Variants in ITGA11 observed in about 807,000 individuals in gnomAD.
The protein encoded by ITGA11 is integrin alpha-11.
In ITGA11, 97 loss-of-function variants were observed where a neutral mutation model predicts 141.9. The ratio of observed to expected loss-of-function variants is 0.68; its 90% confidence interval spans 0.58 to 0.81. ITGA11 has a LOEUF of 0.81. Ranked by LOEUF, ITGA11 falls within the 30% of genes least tolerant of loss-of-function variation. The pLI, the probability that ITGA11 is intolerant of heterozygous loss-of-function variation, is 0.00. For missense variants in ITGA11, 1,387 were observed against 1,559.2 expected (o/e 0.89, Z 1.86); for synonymous variants, 658 against 624.6 (o/e 1.05, Z -0.80).
At chr15:68,375,630 G>T (rs1184948545) in intron 2 of ITGA11, among the ~76,000 whole-genome samples, 2 of 152,220 alleles carry the variant, frequency 1.3e-5, no homozygotes, top group African/African-American at 2.4e-5. Context: ...ATCTGGTGAG[G>T]CCTGGCCTCG....
At chr15:68,351,491 C>T in intron 7 of ITGA11, 89 bp from the exon 8 acceptor site, 1 of 1,466,146 alleles carries the variant, frequency 6.8e-7, no homozygotes, top group South Asian at 1.3e-5. Context: ...GCCACAGAAA[C>T]CAGGACCAAG....
At chr15:68,430,812 C>A (rs1897250423) in intron 1 of ITGA11, among the ~76,000 whole-genome samples, 1 of 152,232 alleles carries the variant, frequency 6.6e-6, no homozygotes, top group African/African-American at 2.4e-5. Context: ...TAGCCAGAGG[C>A]CCTTTCAACC....
At chr15:68,418,362 T>TA (rs1896937200) in intron 1 of ITGA11, among the ~76,000 whole-genome samples, 1 of 152,172 alleles carries the variant, frequency 6.6e-6, no homozygotes, top group Non-Finnish European at 1.5e-5. Context: ...GGAAGGAACT[T>TA]AGAGTACTGG....
chr15:68,371,741 G>A (rs1187461404), intron 2 of ITGA11, among the ~76,000 whole-genome samples: 1 of 151,780 alleles, frequency 6.6e-6, no homozygotes, highest in Non-Finnish European at 1.5e-5. Context: ...AGAAAGAAAG[G>A]CACCGAGAAA....
rs931311041 is a variant in ITGA11, at chr15:68,301,998, C to T, written c.*1061G>A. 6.6e-6 allele frequency: 1 copy of T among 152,196 alleles called. No individual in the cohort carries two copies. Among genetic ancestry groups the T allele is most frequent in the Non-Finnish European group, 1.5e-5 (1 of 68,516 alleles). The allele number at this position is 152,196 out of a possible 1,614,324, so 9.4% of individuals were successfully genotyped here. On this transcript the variant is annotated 3_prime_UTR_variant, in exon 30 of 30. Coordinates refer to ENST00000315757, the MANE Select transcript of ITGA11 (RefSeq NM_001004439.2). This position sits in a 1 kb window ranked among gnomAD's most constrained non-coding sequence, Gnocchi z 4.4. ...GTGCATTCCAGAGGGGACCCCTCAACAGCGCTGGCCAAGCCCTTCCCTGTG... is the reference window on the plus strand; with the variant it reads ...GTGCATTCCAGAGGGGACCCCTCAATAGCGCTGGCCAAGCCCTTCCCTGTG...
intron 10 of ITGA11, among the ~76,000 whole-genome samples, chr15:68,344,504 G>C (rs545267503): frequency 1.3e-5 from 2 of 152,152 alleles, no homozygotes; most frequent in Non-Finnish European, 2.9e-5. Flanking sequence ...AGGGCCTGTG[G>C]GATGGGCACA....
intron 10 of ITGA11, among the ~76,000 whole-genome samples, chr15:68,343,839 G>C (rs1894648776): frequency 6.6e-6 from 1 of 152,230 alleles, no homozygotes; most frequent in African/African-American, 2.4e-5. Context: ...GTGGACCTGA[G>C]GAAGGGATGA....
At position 68,297,135 on chromosome 15, in the gene ITGA11, G is replaced by C. The variant is rs995089897; in HGVS notation, c.*5924C>G. On this transcript the variant is annotated 3_prime_UTR_variant, in exon 30 of 30. Coordinates refer to ENST00000315757, the MANE Select transcript of ITGA11 (RefSeq NM_001004439.2). Reference sequence around the variant, plus strand: ...TTTTTATTTTGGTATTTTTTGTAGAGATGGGGTTTTGCCATGATGCCTAGG... The same window carrying C: ...TTTTTATTTTGGTATTTTTTGTAGACATGGGGTTTTGCCATGATGCCTAGG... 6.6e-6 allele frequency: 1 copy of C among 152,106 alleles called. No homozygotes were observed. The highest frequency in any genetic ancestry group is 2.1e-4 in the South Asian group (1 of 4,806). The allele number at this position is 152,106 out of a possible 1,614,324, so 9.4% of individuals were successfully genotyped here.
intron 11 of ITGA11, among the ~76,000 whole-genome samples, chr15:68,339,007 T>C (rs1894467021): frequency 6.6e-6 from 1 of 152,226 alleles, no homozygotes; most frequent in Non-Finnish European, 1.5e-5. Context: ...TGCTGGGACC[T>C]TCACCATCAA....
chr15:68,365,123 C>G, intron 3 of ITGA11: 1 of 984,972 alleles, frequency 1.0e-6, no homozygotes, highest in Non-Finnish European at 1.2e-6. Flanking sequence ...CCGTGTGCCC[C>G]CAAGCATGCC....
intron 2 of ITGA11, among the ~76,000 whole-genome samples, chr15:68,392,987 C>T (rs1896154678): frequency 6.6e-6 from 1 of 151,982 alleles, no homozygotes; most frequent in Admixed American, 6.6e-5. Context: ...GAAAATAGAA[C>T]AAAAGATGGA....
chr15:68,375,509 G>A (rs933563170), intron 2 of ITGA11, among the ~76,000 whole-genome samples: 1 of 152,304 alleles, frequency 6.6e-6, no homozygotes. Context: ...CCTGGCTGGG[G>A]GTTGGGTGTA....
rs557716167 is a variant in ITGA11 at position 68,423,512 on chromosome 15, A to G, written c.52+8503T>C. Among the ~76,000 whole-genome samples, 11 of 152,296 alleles carry G rather than the reference A, an allele frequency of 7.2e-5. No individual in the cohort carries two copies. The East Asian group carries it at 2.1e-3, about 29-fold the overall frequency. On this transcript the variant is annotated intron_variant, in intron 1 of 29. Coordinates refer to ENST00000315757, the MANE Select transcript of ITGA11 (RefSeq NM_001004439.2). ...TGCTGTTGGCGTGTGCAGGTGCCCA[A>G]ACGTATGGCTCTGTTAGAGGTGAGT...
intron 4 of ITGA11, 102 bp downstream of exon 4, chr15:68,364,605 G>A (rs547165982): frequency 1.3e-5 from 12 of 889,672 alleles, no homozygotes; most frequent in Non-Finnish European, 2.2e-5. Flanking sequence ...GGGGGAGAGT[G>A]GGTGTACAGG....
At position 68,319,447 on chromosome 15, in the gene ITGA11, G is replaced by C. The variant is rs144093223; in HGVS notation, c.2616+738C>G. 1.1e-4 allele frequency among the ~76,000 whole-genome samples: 16 copies of C among 152,370 alleles called. No individual in the cohort carries two copies. In the East Asian group the frequency reaches 2.9e-3, roughly 28 times the overall value. ...CAGAGGAGAGAGGAGTCCCAGGTGG[G>C]GGCCATGGTGGGAACCAGCAGGGCG... On this transcript the variant is annotated intron_variant, in intron 20 of 29. Coordinates refer to ENST00000315757, the MANE Select transcript of ITGA11 (RefSeq NM_001004439.2).
intron 1 of ITGA11, among the ~76,000 whole-genome samples, chr15:68,408,154 C>A (rs1480798137): frequency 6.6e-6 from 1 of 152,206 alleles, no homozygotes; most frequent in African/African-American, 2.4e-5. Context: ...TGCCTCAGGG[C>A]CTCTGCATGT....
chr15:68,361,793 C>T (rs552006586), intron 4 of ITGA11, 89 bp from the exon 5 acceptor site: 27 of 816,122 alleles, frequency 3.3e-5, no homozygotes, highest in Admixed American at 1.4e-4. Flanking sequence ...CCATCCTCCA[C>T]GACCCAAGAC....
At chr15:68,329,962 C>G (rs1003800754) in intron 15 of ITGA11, among the ~76,000 whole-genome samples, 1 of 152,242 alleles carries the variant, frequency 6.6e-6, no homozygotes, top group African/African-American at 2.4e-5. Flanking sequence ...AGCCACAAGT[C>G]TGCTGCTGCC....
chr15:68,315,839 G>T (rs1296413966), intron 21 of ITGA11, 112 bp from the exon 22 acceptor site: 1 of 826,248 alleles, frequency 1.2e-6, no homozygotes, highest in East Asian at 2.7e-5. Flanking sequence ...CTTGCTGGGG[G>T]TTGGGGAGCT....
Sources: gnomAD v4.1 joint callset for allele counts (sites outside exome capture counted in the v4.1 genomes callset) on GRCh38, gnomAD v4.1.1 for gene constraint, Gnocchi (gnomAD v3.1) non-coding constraint, MANE v1.5 for transcripts, NCBI Gene and HGNC (gene_info 2026-07-23, HGNC 2026-07-21) for gene names.